TXLNB: variants seen among roughly 807,000 people sequenced by gnomAD.
TXLNB encodes taxilin beta.
In TXLNB, 37 loss-of-function variants were observed where a neutral mutation model predicts 57.4. That is an observed-to-expected ratio of 0.64 (90% CI 0.50 to 0.85). The LOEUF (loss-of-function observed/expected upper bound fraction) is 0.85. TXLNB is among the 40% of genes least tolerant of loss of function. The pLI, the probability that TXLNB is intolerant of heterozygous loss-of-function variation, is 0.00. For missense variants in TXLNB, 848 were observed against 825.6 expected (o/e 1.03, Z -0.33); for synonymous variants, 302 against 309.6 (o/e 0.98, Z 0.26).
At chr6:139,214,869 C>A in the TXLNB span, among the ~76,000 whole-genome samples, 1 of 152,144 alleles carries the variant, frequency 6.6e-6, no homozygotes, top group Non-Finnish European at 1.5e-5. Context: ...AGTGAACTCC[C>A]ATTCACAATT....
At position 139,288,793 on chromosome 6, in the gene TXLNB, TGGCCATCTTCCTTCTCCA is replaced by T; in HGVS notation, c.89_106del (p.Leu30_Gly35del). 1 of 1,614,236 alleles carries T rather than the reference TGGCCATCTTCCTTCTCCA, an allele frequency of 6.2e-7. No homozygotes were observed. The highest frequency in any genetic ancestry group is 8.5e-7 in the Non-Finnish European group (1 of 1,180,034). On this transcript the variant is annotated inframe_deletion, in exon 2 of 10. Coordinates refer to ENST00000358430, the MANE Select transcript of TXLNB (RefSeq NM_153235.4). ...TGGTTGGACTGGGGTTGGAGAATCC[TGGCCATCTTCCTTCTCCA>T]GGCCATTGTGACTGGGTAATGATGA... is the stretch of plus-strand genomic sequence containing the variant.
chr6:139,213,771 C>G, the TXLNB span, among the ~76,000 whole-genome samples: 1 of 151,976 alleles, frequency 6.6e-6, no homozygotes, highest in African/African-American at 2.4e-5. Context: ...ATCAAATAAA[C>G]GCAATAAAAA....
At chr6:139,321,118 A>C in the TXLNB span, among the ~76,000 whole-genome samples, 1 of 152,194 alleles carries the variant, frequency 6.6e-6, no homozygotes, top group Non-Finnish European at 1.5e-5. Context: ...TTGAATCCTG[A>C]TACTAGCCTG....
chr6:139,231,744 T>TCTAGAGAA, the TXLNB span, among the ~76,000 whole-genome samples: 1 of 152,108 alleles, frequency 6.6e-6, no homozygotes, highest in Non-Finnish European at 1.5e-5. Context: ...GAGGTTCTCA[T>TCTAGAGAA]CTTATAGGTG....
the TXLNB span, among the ~76,000 whole-genome samples, chr6:139,189,473 G>A: frequency 5.3e-5 from 8 of 152,140 alleles, no homozygotes; most frequent in Non-Finnish European, 1.0e-4. Flanking sequence ...TTGGCATTTA[G>A]TTTTCTTGGT....
chr6:139,187,353 A>G, the TXLNB span, among the ~76,000 whole-genome samples: 1 of 152,144 alleles, frequency 6.6e-6, no homozygotes, highest in African/African-American at 2.4e-5. Flanking sequence ...TGGAATTGGA[A>G]CTTAATGACA....
chr6:139,230,659 G>A, the TXLNB span, among the ~76,000 whole-genome samples: 1 of 152,170 alleles, frequency 6.6e-6, no homozygotes, highest in Admixed American at 6.6e-5. Context: ...TGGGGATGGA[G>A]CTGTGAGTCC....
intron 5 of TXLNB, among the ~76,000 whole-genome samples, chr6:139,262,352 A>G (rs1348825023): frequency 6.6e-6 from 1 of 152,142 alleles, no homozygotes; most frequent in Admixed American, 6.5e-5. Flanking sequence ...CTTTCTATTT[A>G]TTGCCTTTAC....
At chr6:139,266,131 C>G (rs1776609299) in intron 4 of TXLNB, among the ~76,000 whole-genome samples, 1 of 152,198 alleles carries the variant, frequency 6.6e-6, no homozygotes, top group Non-Finnish European at 1.5e-5. Context: ...AACTATTCAT[C>G]ATATAGTAGA....
chr6:139,187,160 C>A, the TXLNB span, among the ~76,000 whole-genome samples: 1 of 152,158 alleles, frequency 6.6e-6, no homozygotes, highest in Admixed American at 6.5e-5. Flanking sequence ...TCTTCTCCCC[C>A]CTGCACCTCC....
intron 4 of TXLNB, among the ~76,000 whole-genome samples, chr6:139,268,652 T>C (rs1336641657): frequency 1.3e-5 from 2 of 152,240 alleles, no homozygotes; most frequent in Non-Finnish European, 2.9e-5. Context: ...GTCAGTTTCT[T>C]CACCAATAAA....
Position 139,262,651 on chromosome 6 carries a change from C to G in TXLNB, c.810G>C (p.Lys270Asn), listed in dbSNP as rs980375704. 1.2e-6 allele frequency: 2 copies of G among 1,614,056 alleles called. No homozygotes were observed. The highest frequency in any genetic ancestry group is 1.7e-6 in the Non-Finnish European group (2 of 1,180,032). ...CAAGCTCTGTGTTCTCCTGACAGAG[C>G]TTCATATTTCGCTCACTCTGCTGCT... ...QIEQQSERNM[K>N]LCQENTELAE... Residue 270 changes from lysine to asparagine, a missense_variant, in exon 5 of 10, where the codon AAG becomes AAC. Physicochemically the swap from Lys to Asn is moderately conservative, Grantham distance 94 (BLOSUM62 0). Transcript: ENST00000358430.
the TXLNB span, among the ~76,000 whole-genome samples, chr6:139,218,338 G>A: frequency 6.6e-6 from 1 of 152,298 alleles, no homozygotes. Context: ...AACACACATA[G>A]ATGAGTTTGT....
At chr6:139,239,021 A>G (rs1262948085), downstream of TXLNB, 1 of 152,234 alleles carries the variant, frequency 6.6e-6, no homozygotes, top group Non-Finnish European at 1.5e-5. The surrounding 1 kb of genome is among the most constrained non-coding windows in gnomAD (Gnocchi z 4.7). Context: ...AAAAGGGGCT[A>G]TTTAAAACGT....
the TXLNB span, among the ~76,000 whole-genome samples, chr6:139,215,642 A>C: frequency 6.6e-6 from 1 of 152,192 alleles, no homozygotes; most frequent in Non-Finnish European, 1.5e-5. Context: ...TAATTAAACT[A>C]AAGAGCTTCT....
intron 7 of TXLNB, among the ~76,000 whole-genome samples, chr6:139,249,033 G>GGA (rs1210267110): frequency 2.0e-5 from 3 of 152,246 alleles, no homozygotes; most frequent in Non-Finnish European, 4.4e-5. Context: ...TGGAAGTAAT[G>GGA]AGTCTTGAAA....
the TXLNB span, among the ~76,000 whole-genome samples, chr6:139,304,944 T>G: frequency 6.6e-6 from 1 of 152,222 alleles, no homozygotes; most frequent in African/African-American, 2.4e-5. Flanking sequence ...TGGGTGCTTT[T>G]TTGTGTGTAA....
chr6:139,166,405 G>T, the TXLNB span: 1 of 1,614,228 alleles, frequency 6.2e-7, no homozygotes, highest in Non-Finnish European at 8.5e-7. Context: ...GGATGCACCT[G>T]CAGTGCTTCT....
intron 7 of TXLNB, 124 bp from the exon 8 acceptor site, chr6:139,248,033 A>G (rs1240677118): frequency 7.7e-6 from 4 of 520,966 alleles, no homozygotes; most frequent in Non-Finnish European, 1.3e-5. Flanking sequence ...ATTTACTACA[A>G]GATTAACCTA....
Sources: allele counts gnomAD v4.1 joint callset (sites outside exome capture counted in the v4.1 genomes callset), GRCh38; gene constraint gnomAD v4.1.1; non-coding constraint Gnocchi (gnomAD v3.1); transcripts MANE v1.5; gene names NCBI Gene and HGNC (gene_info 2026-07-23, HGNC 2026-07-21).